Variants in DNAI7 observed in about 807,000 individuals in gnomAD.
DNAI7 encodes dynein axonemal intermediate chain 7.
A neutral mutation model predicts 86.6 loss-of-function variants in DNAI7; 78 were observed. That is an observed-to-expected ratio of 0.90 (90% CI 0.75 to 1.09). The LOEUF (loss-of-function observed/expected upper bound fraction) is 1.09, where lower values mean the gene tolerates loss of function less well. Among genes scored for constraint, DNAI7 ranks in the 50% least tolerant of loss-of-function variants. DNAI7 has a pLI of 0.00. For missense variants in DNAI7, 753 were observed against 810.2 expected, an observed-to-expected ratio of 0.93 and a Z score of 0.86; for synonymous variants, 274 against 273.0, an observed-to-expected ratio of 1.00 and a Z score of -0.04.
intron 2 of DNAI7, among the ~76,000 whole-genome samples, chr12:25,166,097 A>C (rs1005412845): frequency 2.0e-5 from 3 of 152,018 alleles, no homozygotes; most frequent in African/African-American, 7.3e-5. Flanking sequence ...TTACCATCCC[A>C]TTAAAACCTA....
chr12:25,157,627 A>T (rs960274597), intron 4 of DNAI7, among the ~76,000 whole-genome samples: 8 of 152,194 alleles, frequency 5.3e-5, no homozygotes, highest in Non-Finnish European at 8.8e-5. Context: ...TAATGTAAGC[A>T]GTTTAAAATT....
At chr12:25,168,731 C>T (rs968640638) in intron 2 of DNAI7, among the ~76,000 whole-genome samples, 15 of 152,140 alleles carry the variant, frequency 9.9e-5, no homozygotes, top group East Asian at 3.9e-4. Flanking sequence ...CAAGTAATTA[C>T]GCTGCACCCC....
At chr12:25,178,928 C>T (rs1165554985) in intron 2 of DNAI7, among the ~76,000 whole-genome samples, 1 of 151,932 alleles carries the variant, frequency 6.6e-6, no homozygotes, top group Non-Finnish European at 1.5e-5. Flanking sequence ...TTATTTCCTT[C>T]CTTCTCCTTT....
At chr12:25,186,521 C>T (rs1033964682) in intron 2 of DNAI7, among the ~76,000 whole-genome samples, 1 of 152,160 alleles carries the variant, frequency 6.6e-6, no homozygotes, top group African/African-American at 2.4e-5. Context: ...TTCACACTAC[C>T]ATGTGTATAA....
chr12:25,175,392 G>A (rs546917601), intron 2 of DNAI7, among the ~76,000 whole-genome samples: 3 of 151,894 alleles, frequency 2.0e-5, no homozygotes, highest in East Asian at 1.9e-4. Context: ...TTTTTGAGAC[G>A]GACTCTCGCT....
chr12:25,193,451 C>T (rs1950719151), intron 1 of DNAI7, among the ~76,000 whole-genome samples: 1 of 152,198 alleles, frequency 6.6e-6, no homozygotes, highest in South Asian at 2.1e-4. Context: ...GTATCACAGA[C>T]CTGCTGACAC....
chr12:25,117,451 GTT>G (rs1315168460), intron 12 of DNAI7, among the ~76,000 whole-genome samples: 3 of 152,082 alleles, frequency 2.0e-5, no homozygotes, highest in Non-Finnish European at 4.4e-5. Flanking sequence ...AGTGATATTT[GTT>G]CCCAGCCTAT....
chr12:25,183,551 T>G (rs541594438), intron 2 of DNAI7, among the ~76,000 whole-genome samples: 1 of 152,050 alleles, frequency 6.6e-6, no homozygotes, highest in South Asian at 2.1e-4. Context: ...ATTTGTATAG[T>G]ATGACTTTTT....
At chr12:25,134,456 A>C (rs1943308424) in intron 9 of DNAI7, among the ~76,000 whole-genome samples, 1 of 139,078 alleles carries the variant, frequency 7.2e-6, no homozygotes, top group Non-Finnish European at 1.5e-5. Flanking sequence ...TCCCAGGTTC[A>C]AGTGATTCTC....
chr12:25,145,685 A>T (rs1218407246), intron 8 of DNAI7, among the ~76,000 whole-genome samples: 1 of 152,056 alleles, frequency 6.6e-6, no homozygotes, highest in Non-Finnish European at 1.5e-5. Context: ...TTTTTTTTAA[A>T]TGTCACATAG....
chr12:25,165,237 C>A (rs2141075809), intron 2 of DNAI7, among the ~76,000 whole-genome samples: 1 of 152,284 alleles, frequency 6.6e-6, no homozygotes, highest in South Asian at 2.1e-4. Context: ...ACTTAATTAA[C>A]CTCGCCTTCA....
At chr12:25,144,737 C>T (rs1944616266) in intron 8 of DNAI7, 60 bp from the exon 9 acceptor site, 2 of 1,225,704 alleles carry the variant, frequency 1.6e-6, no homozygotes, top group Non-Finnish European at 2.3e-6. Context: ...AGATCTGTGT[C>T]AAATTTATAC....
chr12:25,120,317 G>GGAGAGAGAGAGAGAGAGA lies in DNAI7; in HGVS notation c.1240-1034_1240-1017dup, dbSNP rs369253749. ...AGAAGAGAGAGAGAGGCAGGAAGAG[G>GGAGAGAGAGAGAGAGAGA]GAGAGAGAGAGAGAGAGAGAGAGAG... On this transcript the variant is annotated intron_variant, in intron 11 of 15. Transcript: ENST00000395987. 2.2e-3 allele frequency among the ~76,000 whole-genome samples: 180 copies of GGAGAGAGAGAGAGAGAGA among 80,752 alleles called. 8 individuals are homozygous for GGAGAGAGAGAGAGAGAGA. Among genetic ancestry groups the GGAGAGAGAGAGAGAGAGA allele is most frequent in the African/African-American group, 4.5e-3 (136 of 30,344 alleles). The allele number at this position is 80,752 out of a possible 152,430, so 53.0% of individuals were successfully genotyped here.
rs1490520057 is a variant in DNAI7, at chr12:25,108,604, A to T, written c.2113T>A (p.Phe705Ile). ...AGCATGTGGCACACAGAGTTGACAAACTGACAGTTGGAACTCCTGACTTTC... is the reference window on the plus strand; with the variant it reads ...AGCATGTGGCACACAGAGTTGACAATCTGACAGTTGGAACTCCTGACTTTC... Reference protein sequence around the residue: ...MEKVRSSNCQFVNSVCHMLLS... With the variant: ...MEKVRSSNCQIVNSVCHMLLS... The change falls in exon 16 of 16, where the codon TTT becomes ATT. Residue 705 changes from phenylalanine (F) to isoleucine (I), a missense_variant. Coordinates refer to ENST00000395987, the MANE Select transcript of DNAI7 (RefSeq NM_018272.5). The T allele has an allele frequency of 6.2e-7, 1 of 1,613,752 alleles. No homozygotes were observed. Among genetic ancestry groups the T allele is most frequent in the Non-Finnish European group, 8.5e-7 (1 of 1,179,924 alleles).
intron 8 of DNAI7, among the ~76,000 whole-genome samples, chr12:25,144,941 C>G (rs1035121999): frequency 3.3e-5 from 5 of 152,158 alleles, no homozygotes; most frequent in African/African-American, 1.2e-4. Flanking sequence ...TCCTAACCAT[C>G]CCTTCAATGT....
chr12:25,169,004 A>G (rs1947819287), intron 2 of DNAI7, among the ~76,000 whole-genome samples: 1 of 152,164 alleles, frequency 6.6e-6, no homozygotes, highest in Non-Finnish European at 1.5e-5. Context: ...GCCCTGAGAA[A>G]CATCGCCCAT....
intron 12 of DNAI7, among the ~76,000 whole-genome samples, chr12:25,117,407 T>G (rs1389672162): frequency 6.6e-6 from 1 of 152,208 alleles, no homozygotes; most frequent in South Asian, 2.1e-4. Flanking sequence ...TTTCCATAAC[T>G]AAATAAGTAG....
chr12:25,190,117 AG>A (rs1169336615), intron 2 of DNAI7, among the ~76,000 whole-genome samples: 1 of 152,134 alleles, frequency 6.6e-6, no homozygotes, highest in African/African-American at 2.4e-5. Flanking sequence ...AGAGAGAAAA[AG>A]GCATTCTGGA....
At chr12:25,171,448 A>G (rs2141149971) in intron 2 of DNAI7, among the ~76,000 whole-genome samples, 1 of 152,290 alleles carries the variant, frequency 6.6e-6, no homozygotes, top group East Asian at 1.9e-4. Context: ...CAAACAGACC[A>G]ATAACAAGCA....
Sources: gnomAD v4.1 joint callset for allele counts (sites outside exome capture counted in the v4.1 genomes callset) on GRCh38, gnomAD v4.1.1 for gene constraint, MANE v1.5 for transcripts, NCBI Gene and HGNC (gene_info 2026-07-23, HGNC 2026-07-21) for gene names.